Variants in MITF observed in about 807,000 individuals in gnomAD.
The protein encoded by MITF is microphthalmia-associated transcription factor.
A neutral mutation model predicts 60.5 loss-of-function variants in MITF; 17 were observed. The observed-to-expected ratio is 0.28, with a 90% CI of 0.19 to 0.42. MITF has a LOEUF of 0.42. MITF is among the 10% of genes least tolerant of loss of function. The pLI is 1.00. For synonymous variants in MITF, 260 were observed against 248.5 expected (o/e 1.05, Z -0.43); for missense variants, 622 against 683.5 (o/e 0.91, Z 1.00).
chr3:69,770,345 G>A (rs941814466), intron 1 of MITF, among the ~76,000 whole-genome samples: 3 of 152,120 alleles, frequency 2.0e-5, no homozygotes, highest in African/African-American at 7.2e-5. Flanking sequence ...AATCCTGAAA[G>A]CTTTGTCATT....
intron 9 of MITF, among the ~76,000 whole-genome samples, chr3:69,960,428 G>C (rs1265223378): frequency 1.3e-5 from 2 of 152,092 alleles, no homozygotes; most frequent in African/African-American, 4.8e-5. Flanking sequence ...ATTCCTCTTT[G>C]GTATCAACTC....
At position 69,965,627 on chromosome 3, in the gene MITF, T is replaced by C. The variant is rs552044239; in HGVS notation, c.*379T>C. 1.0e-3 allele frequency: 264 copies of C among 252,430 alleles called. 3 individuals carry two copies. Among genetic ancestry groups the C allele is most frequent in the South Asian group, 6.8e-3 (57 of 8,426 alleles). The allele number at this position is 252,430 out of a possible 1,614,324, so 15.6% of individuals were successfully genotyped here. ...CTTGGAAATCAAATGTAAAGTTTAA[T>C]TGAAAGAATGTAAAGCAACCAAAAA... is the stretch of plus-strand genomic sequence containing the variant. On this transcript the variant is annotated 3_prime_UTR_variant, in exon 10 of 10. Transcript: ENST00000352241.
intron 1 of MITF, among the ~76,000 whole-genome samples, chr3:69,803,067 G>T (rs907104964): frequency 2.0e-5 from 3 of 151,964 alleles, no homozygotes; most frequent in African/African-American, 7.3e-5. Flanking sequence ...GTGAGCCACC[G>T]CTCCCAGCCC....
intron 1 of MITF, among the ~76,000 whole-genome samples, chr3:69,768,070 CAT>C (rs1006135030): frequency 6.6e-6 from 1 of 152,196 alleles, no homozygotes; most frequent in African/African-American, 2.4e-5. Context: ...AAAATACAAT[CAT>C]GTGTAAAGTA....
chr3:69,838,697 T>C (rs1455212445), intron 1 of MITF: 5 of 152,664 alleles, frequency 3.3e-5, no homozygotes, highest in Admixed American at 2.0e-4. Context: ...GACTAGTTGC[T>C]CTCTGCATTA....
intron 1 of MITF, among the ~76,000 whole-genome samples, chr3:69,844,151 C>T (rs2063689510): frequency 6.6e-6 from 1 of 152,160 alleles, no homozygotes; most frequent in African/African-American, 2.4e-5. Flanking sequence ...TATTGATGGA[C>T]ATTTGGGTTG....
intron 2 of MITF, among the ~76,000 whole-genome samples, chr3:69,903,416 T>G (rs1231894010): frequency 4.6e-5 from 7 of 152,196 alleles, no homozygotes; most frequent in Non-Finnish European, 8.8e-5. Flanking sequence ...ACCTGAGACC[T>G]TCTTCTGAGC....
At chr3:69,918,848 A>G (rs2065397345) in intron 2 of MITF, among the ~76,000 whole-genome samples, 1 of 152,210 alleles carries the variant, frequency 6.6e-6, no homozygotes, top group Non-Finnish European at 1.5e-5. Context: ...GTTACAACTT[A>G]TTCTCATACT....
chr3:69,850,053 C>T (rs1230449014), intron 1 of MITF, among the ~76,000 whole-genome samples: 1 of 152,148 alleles, frequency 6.6e-6, no homozygotes, highest in Non-Finnish European at 1.5e-5. Context: ...CTGTAGTTTT[C>T]ATATGAATCT....
chr3:69,949,359 C>T (rs2066184014), intron 6 of MITF, among the ~76,000 whole-genome samples, 191 bp downstream of exon 6: 1 of 151,798 alleles, frequency 6.6e-6, no homozygotes, highest in Non-Finnish European at 1.5e-5. Flanking sequence ...TGTTTTTTTT[C>T]AAGGAGATCC....
At chr3:69,750,383 C>CTTTT (rs72318666) in intron 1 of MITF, among the ~76,000 whole-genome samples, 273 of 113,864 alleles carry the variant, frequency 2.4e-3, no homozygotes, top group African/African-American at 8.7e-3. Flanking sequence ...TAGAGCTTTC[C>CTTTT]TTTTTTTTTT....
chr3:69,826,315 C>T (rs2063353586), intron 1 of MITF, among the ~76,000 whole-genome samples: 1 of 152,180 alleles, frequency 6.6e-6, no homozygotes, highest in East Asian at 1.9e-4. Flanking sequence ...ATAGTAGGTA[C>T]TTACTTGGGC....
intron 2 of MITF, among the ~76,000 whole-genome samples, chr3:69,888,564 C>T (rs530098420): frequency 7.9e-5 from 12 of 152,096 alleles, no homozygotes; most frequent in African/African-American, 2.7e-4. Context: ...ATTGACTTAG[C>T]ACACGCCGCT....
intron 1 of MITF, among the ~76,000 whole-genome samples, chr3:69,841,880 T>C (rs1439122056): frequency 6.6e-6 from 1 of 152,198 alleles, no homozygotes; most frequent in African/African-American, 2.4e-5. Flanking sequence ...AATATCAAAA[T>C]GTTTACCTGT....
intron 2 of MITF, among the ~76,000 whole-genome samples, chr3:69,922,489 G>C (rs943332998): frequency 1.1e-4 from 16 of 152,100 alleles, no homozygotes; most frequent in Admixed American, 4.6e-4. Flanking sequence ...CAAAGTGCTG[G>C]GATTACAGGA....
chr3:69,791,338 G>C (rs911040894), intron 1 of MITF, among the ~76,000 whole-genome samples: 15 of 152,162 alleles, frequency 9.9e-5, no homozygotes, highest in African/African-American at 3.6e-4. Context: ...TCTCCAAGTT[G>C]TTTTCTTCTT....
At chr3:69,887,533 A>T (rs1222073547) in intron 2 of MITF, among the ~76,000 whole-genome samples, 1 of 152,072 alleles carries the variant, frequency 6.6e-6, no homozygotes, top group Admixed American at 6.6e-5. Flanking sequence ...AGTTATTCAG[A>T]TCTTATTTAT....
chr3:69,803,822 T>G (rs1195801559), intron 1 of MITF, among the ~76,000 whole-genome samples: 5 of 140,300 alleles, frequency 3.6e-5, no homozygotes, highest in Non-Finnish European at 7.8e-5. Context: ...ATAACTCATG[T>G]TTTTTTTTTT....
At chr3:69,822,619 C>T (rs2063293285) in intron 1 of MITF, among the ~76,000 whole-genome samples, 1 of 152,064 alleles carries the variant, frequency 6.6e-6, no homozygotes, top group South Asian at 2.1e-4. Context: ...AACTTAATTA[C>T]CAGGAAAATA....
Sources: gnomAD v4.1 joint callset for allele counts (sites outside exome capture counted in the v4.1 genomes callset) on GRCh38, gnomAD v4.1.1 for gene constraint, MANE v1.5 for transcripts, NCBI Gene and HGNC (gene_info 2026-07-23, HGNC 2026-07-21) for gene names.